Variants in SLC6A5 observed in about 807,000 individuals in gnomAD.
SLC6A5 encodes sodium- and chloride-dependent glycine transporter 2.
In SLC6A5, 58 loss-of-function variants were observed where a neutral mutation model predicts 90.5. That is an observed-to-expected ratio of 0.64 (90% CI 0.52 to 0.80). SLC6A5 has a LOEUF of 0.80. Among genes scored for constraint, SLC6A5 ranks in the 30% least tolerant of loss-of-function variants. The pLI, the probability that SLC6A5 is intolerant of heterozygous loss-of-function variation, is 0.00. For synonymous variants in SLC6A5, 427 were observed against 401.4 expected, an observed-to-expected ratio of 1.06 and a Z score of -0.76; for missense variants, 1,015 against 1,017.6, an observed-to-expected ratio of 1.00 and a Z score of 0.03.
chr11:20,613,031 T>G (rs1042588615), intron 5 of SLC6A5, among the ~76,000 whole-genome samples: 16 of 152,218 alleles, frequency 1.1e-4, no homozygotes, highest in Non-Finnish European at 1.8e-4. Flanking sequence ...TCCTCATTTG[T>G]GTCATCATCC....
intron 8 of SLC6A5, among the ~76,000 whole-genome samples, chr11:20,627,300 G>A (rs10766706): frequency 6.6e-6 from 1 of 152,004 alleles, no homozygotes; most frequent in African/African-American, 2.4e-5. Context: ...GCTGAACTTT[G>A]TCTTTGCATA....
intron 13 of SLC6A5, among the ~76,000 whole-genome samples, chr11:20,640,419 C>G (rs1380282608): frequency 1.3e-5 from 2 of 152,156 alleles, no homozygotes; most frequent in African/African-American, 2.4e-5. Flanking sequence ...CAAATCTAGT[C>G]ATAGGTTTCT....
intron 5 of SLC6A5, among the ~76,000 whole-genome samples, chr11:20,611,297 A>C (rs1852688565): frequency 6.6e-6 from 1 of 152,176 alleles, no homozygotes; most frequent in Non-Finnish European, 1.5e-5. Flanking sequence ...TCTACTAAAA[A>C]TACAAGAATT....
At chr11:20,608,962 G>GTA (rs1852642513) in intron 5 of SLC6A5, among the ~76,000 whole-genome samples, 1 of 79,796 alleles carries the variant, frequency 1.3e-5, no homozygotes, top group Admixed American at 1.3e-4. Context: ...CTCTCTCTGT[G>GTA]TGTGTGTGTG....
intron 5 of SLC6A5, among the ~76,000 whole-genome samples, chr11:20,608,023 G>T (rs1852617192): frequency 6.6e-6 from 1 of 152,306 alleles, no homozygotes; most frequent in African/African-American, 2.4e-5. Context: ...TTACCTGGAT[G>T]GTGGTTAGAA....
At chr11:20,611,344 A>G (rs1326953381) in intron 5 of SLC6A5, among the ~76,000 whole-genome samples, 2 of 152,206 alleles carry the variant, frequency 1.3e-5, no homozygotes, top group African/African-American at 2.4e-5. Flanking sequence ...AATCCCAGCT[A>G]CTTTGGAGGC....
chr11:20,618,138 T>C (rs1043945959), intron 7 of SLC6A5, among the ~76,000 whole-genome samples: 12 of 152,038 alleles, frequency 7.9e-5, no homozygotes, highest in African/African-American at 2.7e-4. Flanking sequence ...GGGGGTACTC[T>C]GATTAGGATT....
Position 20,601,481 on chromosome 11 carries a change from A to C in SLC6A5, c.356A>C (p.His119Pro). 1 of 1,613,234 alleles carries C rather than the reference A, an allele frequency of 6.2e-7. No individual in the cohort carries two copies. Among genetic ancestry groups the C allele is most frequent in the Non-Finnish European group, 8.5e-7 (1 of 1,179,688 alleles). ...PGSSGPGNALHCKIPFLRGPE... is the reference protein window; with the variant it reads ...PGSSGPGNALPCKIPFLRGPE... ...AGCTCCGGGCCCGGCAACGCGCTGC[A>C]CTGTAAGATCCCTTTTCTGCGAGGC... The change falls in exon 2 of 16, where the codon CAC becomes CCC. Residue 119 changes from histidine to proline, a missense_variant. Around this residue, in one of 3 missense-constraint regions of SLC6A5, gnomAD observed 567 missense variants for 507.3 expected, o/e 1.12. Coordinates refer to ENST00000525748, the MANE Select transcript of SLC6A5 (RefSeq NM_004211.5).
chr11:20,604,864 G>A (rs540351567), intron 3 of SLC6A5, among the ~76,000 whole-genome samples: 1 of 152,268 alleles, frequency 6.6e-6, no homozygotes, highest in African/African-American at 2.4e-5. Flanking sequence ...AAGAGGTGAG[G>A]GGGAAGGGGT....
At chr11:20,603,967 G>A (rs944244725) in intron 2 of SLC6A5, among the ~76,000 whole-genome samples, 2 of 152,012 alleles carry the variant, frequency 1.3e-5, no homozygotes, top group African/African-American at 2.4e-5. Context: ...CAGGTTCAAG[G>A]TTTGGGGAGA....
chr11:20,623,680 C>T (rs976107275), intron 7 of SLC6A5, among the ~76,000 whole-genome samples: 2 of 152,214 alleles, frequency 1.3e-5, no homozygotes, highest in African/African-American at 2.4e-5. Flanking sequence ...CCCACCTTGC[C>T]GATCTCTCCC....
At chr11:20,617,913 G>T (rs1286743603) in intron 7 of SLC6A5, 29 bp downstream of exon 7, 1 of 1,611,556 alleles carries the variant, frequency 6.2e-7, no homozygotes, top group Non-Finnish European at 8.5e-7. Context: ...CTAAGAGAAA[G>T]CTGTGAGACA....
intron 13 of SLC6A5, among the ~76,000 whole-genome samples, chr11:20,646,466 C>T (rs1853417043): frequency 6.6e-6 from 1 of 152,178 alleles, no homozygotes; most frequent in Admixed American, 6.5e-5. Context: ...ACAGTCTTCA[C>T]TGGTTTTGCC....
At chr11:20,615,740 A>G (rs996098177) in intron 6 of SLC6A5, among the ~76,000 whole-genome samples, 1 of 152,184 alleles carries the variant, frequency 6.6e-6, no homozygotes, top group Non-Finnish European at 1.5e-5. Context: ...TTCTCTAGCT[A>G]AACTTTAATT....
rs752254294 is a variant in SLC6A5 at position 20,614,673 on chromosome 11, A to G, written c.986-6A>G. On this transcript the variant is annotated splice_region_variant and splice_polypyrimidine_tract_variant and intron_variant, in intron 5 of 15. Transcript: ENST00000525748. ...CTGTGTTTCTATTCTGTCCTCTCCTAAACAGATTCCTGTGTTATCAGTGAC... is the reference window on the plus strand; with the variant it reads ...CTGTGTTTCTATTCTGTCCTCTCCTGAACAGATTCCTGTGTTATCAGTGAC... The G allele has an allele frequency of 1.2e-6, 2 of 1,612,990 alleles. No homozygotes were observed. The highest frequency in any genetic ancestry group is 1.7e-6 in the Non-Finnish European group (2 of 1,178,916).
intron 7 of SLC6A5, among the ~76,000 whole-genome samples, chr11:20,623,014 C>T (rs113574718): frequency 2.0e-4 from 30 of 152,182 alleles, no homozygotes; most frequent in African/African-American, 7.2e-4. Flanking sequence ...GGAAGGGCTT[C>T]ACTTCTCCTT....
At chr11:20,654,265 A>C (rs1853597090) in intron 15 of SLC6A5, among the ~76,000 whole-genome samples, 1 of 152,242 alleles carries the variant, frequency 6.6e-6, no homozygotes, top group Non-Finnish European at 1.5e-5. Context: ...TATGCTAAAC[A>C]AAATGCAATT....
intron 12 of SLC6A5, 60 bp downstream of exon 12, chr11:20,637,363 T>A: frequency 6.7e-7 from 1 of 1,484,686 alleles, no homozygotes; most frequent in African/African-American, 1.4e-5. Flanking sequence ...GGCCAATAGC[T>A]ATCTGTCTTT....
At chr11:20,615,462 G>A (rs768821372) in intron 6 of SLC6A5, among the ~76,000 whole-genome samples, 1 of 152,064 alleles carries the variant, frequency 6.6e-6, no homozygotes, top group Non-Finnish European at 1.5e-5. Flanking sequence ...TCTGCCTCTG[G>A]GTTCAAGTTA....
Sources: gnomAD v4.1 joint callset for allele counts (sites outside exome capture counted in the v4.1 genomes callset) on GRCh38, gnomAD v4.1.1 for gene constraint, gnomAD v4.1.1 regional missense constraint, MANE v1.5 for transcripts, NCBI Gene and HGNC (gene_info 2026-07-23, HGNC 2026-07-21) for gene names.